The following DUSP22 variants were observed in gnomAD, a reference collection of about 807,000 sequenced individuals.
DUSP22 encodes dual specificity protein phosphatase 22.
Under a neutral mutation model 24.5 loss-of-function variants are expected in DUSP22, and 24 were observed. The ratio of observed to expected loss-of-function variants is 0.98; its 90% confidence interval spans 0.71 to 1.38. DUSP22 has a LOEUF of 1.38. DUSP22 is among the 40% of genes most tolerant of loss of function. The pLI is 0.00. For synonymous variants in DUSP22, 160 were observed against 106.4 expected, an observed-to-expected ratio of 1.50 and a Z score of -3.10; for missense variants, 330 against 269.2, an observed-to-expected ratio of 1.23 and a Z score of -1.58.
chr6:309,551 A>G (rs1236059679), intron 2 of DUSP22, among the ~76,000 whole-genome samples: 5 of 152,302 alleles, frequency 3.3e-5, no homozygotes, highest in Non-Finnish European at 7.3e-5. Flanking sequence ...GTTTAGAACA[A>G]TGTTTCTTGA....
chr6:308,470 A>G (rs1757924251), intron 2 of DUSP22, among the ~76,000 whole-genome samples: 1 of 151,486 alleles, frequency 6.6e-6, no homozygotes, highest in African/African-American at 2.4e-5. Flanking sequence ...CCTGTGCCTT[A>G]TGGGAAAGGA....
intron 3 of DUSP22, among the ~76,000 whole-genome samples, chr6:320,550 C>G (rs1758539143): frequency 6.6e-6 from 1 of 152,310 alleles, no homozygotes; most frequent in African/African-American, 2.4e-5. Context: ...CCACTGCAGC[C>G]TGGTTGCCTT....
chr6:302,954 C>T (rs973036090), intron 1 of DUSP22, among the ~76,000 whole-genome samples: 7 of 152,410 alleles, frequency 4.6e-5, no homozygotes, highest in African/African-American at 9.6e-5. Flanking sequence ...TTAGGGGATA[C>T]GCTTAGCAGG....
chr6:295,765 A>T (rs145217782), intron 1 of DUSP22, among the ~76,000 whole-genome samples: 253 of 150,244 alleles, frequency 1.7e-3, no homozygotes, highest in African/African-American at 5.7e-3. Context: ...GTGCCACCGC[A>T]CTCCAGCCTG....
intron 3 of DUSP22, among the ~76,000 whole-genome samples, chr6:318,393 A>C (rs1335417375): frequency 6.6e-6 from 1 of 152,308 alleles, no homozygotes; most frequent in African/African-American, 2.4e-5. Flanking sequence ...CATTCAGGGC[A>C]CAGGGACTTG....
In DUSP22 at chr6:350,956, A is replaced by G. The variant is rs1215222928; in HGVS notation, c.*2005A>G. 4.5e-6 allele frequency: 7 copies of G among 1,556,930 alleles called. No individual in the cohort carries two copies. The African/African-American group carries it at 6.8e-5, about 15-fold the overall frequency. ...AAAGCAACATAGAGTTTAAGTATCC[A>G]GTAGTGATTTGTAAACTTGTTTTTC... On this transcript the variant is annotated 3_prime_UTR_variant, in exon 7 of 7. Coordinates refer to ENST00000419235, the MANE Select transcript of DUSP22 (RefSeq NM_001286555.3).
chr6:343,707 A>G (rs1464418209), intron 4 of DUSP22, among the ~76,000 whole-genome samples: 2 of 152,240 alleles, frequency 1.3e-5, no homozygotes, highest in African/African-American at 2.4e-5. Context: ...TTGCATGTGG[A>G]TGCATGCACA....
intron 1 of DUSP22, among the ~76,000 whole-genome samples, chr6:300,555 G>A (rs1417415609): frequency 1.3e-5 from 2 of 152,312 alleles, no homozygotes; most frequent in Non-Finnish European, 2.9e-5. Context: ...ACATGAGTGG[G>A]AGAGCTGCTG....
intron 4 of DUSP22, among the ~76,000 whole-genome samples, chr6:345,400 G>A (rs923463320): frequency 3.9e-5 from 6 of 152,288 alleles, no homozygotes; most frequent in Non-Finnish European, 7.3e-5. Context: ...AGTAGAGACA[G>A]GGTTTCACCA....
At position 349,327 on chromosome 6, in the gene DUSP22, C is replaced by T. The variant is rs1434637005; in HGVS notation, c.*376C>T. The T allele has an allele frequency of 9.1e-7, 1 of 1,093,480 alleles. No individual in the cohort carries two copies. Among genetic ancestry groups the T allele is most frequent in the Non-Finnish European group, 1.1e-6 (1 of 896,924 alleles). The allele number at this position is 1,093,480 out of a possible 1,614,324, so 67.7% of individuals were successfully genotyped here. ...TGTATGTTGTGAAAGTGTCTGTGCA[C>T]ATGAATGTTTGTGTGTGTGTGAACT... On this transcript the variant is annotated 3_prime_UTR_variant, in exon 7 of 7. Transcript: ENST00000419235.
chr6:312,055 A>C, intron 3 of DUSP22, 93 bp downstream of exon 3: 3 of 1,308,808 alleles, frequency 2.3e-6, no homozygotes, highest in Non-Finnish European at 3.2e-6. Context: ...GTTCTCTCCA[A>C]TGCGAACGTA....
At chr6:345,488 G>A (rs1759820567) in intron 4 of DUSP22, among the ~76,000 whole-genome samples, 1 of 152,306 alleles carries the variant, frequency 6.6e-6, no homozygotes, top group Non-Finnish European at 1.5e-5. Context: ...GGGATTACAG[G>A]CGTGAGCCAC....
chr6:302,544 C>CT (rs58222589), intron 1 of DUSP22, among the ~76,000 whole-genome samples: 2,808 of 151,394 alleles, frequency 0.019, no homozygotes, highest in Middle Eastern at 0.038. Context: ...GTCACCTCCA[C>CT]TTTCCCTGTG....
At chr6:347,759 C>G (rs973631940) in intron 5 of DUSP22, among the ~76,000 whole-genome samples, 43 of 152,294 alleles carry the variant, frequency 2.8e-4, no homozygotes, top group Non-Finnish European at 5.7e-4. Context: ...CTGGAAGCCT[C>G]GTTTCCTTGG....
At chr6:304,541 G>T in intron 1 of DUSP22, 87 bp from the exon 2 acceptor site, 1 of 1,594,148 alleles carries the variant, frequency 6.3e-7, no homozygotes, top group Non-Finnish European at 8.6e-7. Flanking sequence ...GCCTTTGCAG[G>T]GATCCTGCTG....
intron 3 of DUSP22, among the ~76,000 whole-genome samples, chr6:331,232 C>T (rs1169359483): frequency 6.6e-6 from 1 of 152,294 alleles, no homozygotes; most frequent in Non-Finnish European, 1.5e-5. Context: ...TTTGGAACAT[C>T]GTGGAAAGTG....
chr6:344,879 G>C (rs1427577178), intron 4 of DUSP22, among the ~76,000 whole-genome samples: 1 of 152,306 alleles, frequency 6.6e-6, no homozygotes, highest in Non-Finnish European at 1.5e-5. Flanking sequence ...CCCACACGAC[G>C]TGGTCACCTT....
At chr6:335,215 G>A in intron 4 of DUSP22, 52 bp downstream of exon 4, 3 of 1,593,810 alleles carry the variant, frequency 1.9e-6, no homozygotes, top group African/African-American at 1.3e-5. Context: ...AATGAATAGA[G>A]GATGGTAAAG....
At chr6:312,854 A>G (rs1255346187) in intron 3 of DUSP22, among the ~76,000 whole-genome samples, 3 of 152,306 alleles carry the variant, frequency 2.0e-5, no homozygotes, top group African/African-American at 4.8e-5. Context: ...ATGTAGAATA[A>G]TAAATGATTC....
Sources: gnomAD v4.1 joint callset for allele counts (sites outside exome capture counted in the v4.1 genomes callset) on GRCh38, gnomAD v4.1.1 for gene constraint, MANE v1.5 for transcripts, NCBI Gene and HGNC (gene_info 2026-07-23, HGNC 2026-07-21) for gene names.